GRIN2A: variants seen among roughly 807,000 people sequenced by gnomAD.
GRIN2A encodes the protein glutamate ionotropic receptor NMDA type subunit 2A, also known as glutamate receptor ionotropic, NMDA 2A.
GRIN2A carries 22 observed loss-of-function variants against 113.4 expected under a neutral mutation model. The ratio of observed to expected loss-of-function variants is 0.19; its 90% CI spans 0.14 to 0.28. The LOEUF (loss-of-function observed/expected upper bound fraction) is 0.28, where lower values mean the gene tolerates loss of function less well. GRIN2A is among the 10% of genes least tolerant of loss of function. The probability of loss-of-function intolerance (pLI) is 1.00; values close to 1 mark genes in which losing one functional copy is unlikely to be tolerated. For synonymous variants in GRIN2A, 827 were observed against 738.4 expected, an observed-to-expected ratio of 1.12 and a Z score of -1.94; for missense variants, 1,502 against 1,887.0, an observed-to-expected ratio of 0.80 and a Z score of 3.78.
At chr16:9,923,351 T>C (rs898863166) in intron 3 of GRIN2A, among the ~76,000 whole-genome samples, 2 of 152,206 alleles carry the variant, frequency 1.3e-5, no homozygotes, top group African/African-American at 4.8e-5. Flanking sequence ...ATATTTAAAG[T>C]GGGTTTCTTA....
At position 9,757,769 on chromosome 16, in the gene GRIN2A, G is replaced by T; in HGVS notation, c.*5380C>A. ...TTTTTCCTAAGGAGACGGTCTCTGA[G>T]AAAAGTTTTCTCTTCTAGGAACTTT... On this transcript the variant is annotated 3_prime_UTR_variant, in exon 13 of 13. Coordinates refer to ENST00000330684, the MANE Select transcript of GRIN2A (RefSeq NM_001134407.3). The T allele has an allele frequency of 4.6e-6, 1 of 219,360 alleles. No homozygotes were observed. The highest frequency in any genetic ancestry group is 9.2e-6 in the Non-Finnish European group (1 of 109,180). The allele number at this position is 219,360 out of a possible 1,614,324, so 13.6% of individuals were successfully genotyped here. A position where few individuals can be genotyped will look rare whatever the true frequency, so the allele number is the denominator to read the frequency against.
At chr16:9,960,132 A>G (rs1319872446) in intron 2 of GRIN2A, among the ~76,000 whole-genome samples, 1 of 152,168 alleles carries the variant, frequency 6.6e-6, no homozygotes, top group Non-Finnish European at 1.5e-5. Flanking sequence ...GTAAAAAAGG[A>G]AAAAAATGAG....
In GRIN2A at chr16:10,180,362, A is replaced by G. The variant is rs2050242755; in HGVS notation, c.50T>C (p.Val17Ala). 2.5e-6 allele frequency: 4 copies of G among 1,608,042 alleles called. No homozygotes were observed. Among genetic ancestry groups the G allele is most frequent in the Non-Finnish European group, 3.4e-6 (4 of 1,179,834 alleles). ...CGCGCTCGGCGCCGGACCGCGCCAGACCAGAAGGGCCGGCAGCACCAGCAG... is the reference window on the plus strand; with the variant it reads ...CGCGCTCGGCGCCGGACCGCGCCAGGCCAGAAGGGCCGGCAGCACCAGCAG... ...WTLLVLPALL[V>A]WRGPAPSAAA... Residue 17 changes from valine (V) to alanine (A), a missense_variant, in exon 2 of 13, where the codon GTC becomes GCC. Physicochemically the swap from Val to Ala is moderately conservative, Grantham distance 64. Transcript: ENST00000330684. This position sits in a 1 kb window ranked among gnomAD's most constrained non-coding sequence, Gnocchi z 7.0.
intron 10 of GRIN2A, among the ~76,000 whole-genome samples, chr16:9,803,792 C>T (rs934203230): frequency 1.2e-4 from 18 of 152,210 alleles, no homozygotes; most frequent in Non-Finnish European, 2.1e-4. Context: ...GGAACCTATG[C>T]AGTCTGACAC....
At chr16:9,904,990 A>G (rs1374278534) in intron 3 of GRIN2A, among the ~76,000 whole-genome samples, 1 of 152,184 alleles carries the variant, frequency 6.6e-6, no homozygotes, top group Admixed American at 6.5e-5. Flanking sequence ...TAAAACCAAA[A>G]CCATAAATTA....
intron 2 of GRIN2A, among the ~76,000 whole-genome samples, chr16:10,061,550 A>G (rs1432207500): frequency 1.3e-5 from 2 of 152,170 alleles, no homozygotes; most frequent in Non-Finnish European, 2.9e-5. Flanking sequence ...GGTGCCATCA[A>G]AAGCAAAATT....
Position 9,763,262 on chromosome 16 carries a change from C to T in GRIN2A, c.4282G>A (p.Val1428Ile), listed in dbSNP as rs2141124963. The change falls in exon 13 of 13, where the codon GTT becomes ATT. Residue 1428 changes from valine (V) to isoleucine (I), a missense_variant. Transcript: ENST00000330684. ...TTCTTATTTGCAGCATAAGGCATAA[C>T]ATGCTCCGAAATATACACATCATTG... ...GHNDVYISEH[V>I]MPYAANKNNM... The T allele has an allele frequency of 6.2e-7, 1 of 1,614,180 alleles. No homozygotes were observed. Among genetic ancestry groups the T allele is most frequent in the Non-Finnish European group, 8.5e-7 (1 of 1,180,028 alleles).
At chr16:10,067,155 T>C (rs1235470224) in intron 2 of GRIN2A, among the ~76,000 whole-genome samples, 1 of 152,238 alleles carries the variant, frequency 6.6e-6, no homozygotes, top group Non-Finnish European at 1.5e-5. Flanking sequence ...ATTCTCTTTC[T>C]TCATCCCCTA....
intron 2 of GRIN2A, among the ~76,000 whole-genome samples, chr16:9,986,315 A>G (rs1402677414): frequency 6.6e-6 from 1 of 152,250 alleles, no homozygotes; most frequent in Non-Finnish European, 1.5e-5. Context: ...CAAAATGTAT[A>G]TACAAGCCAA....
At chr16:9,850,431 A>G (rs2042862965) in intron 4 of GRIN2A, among the ~76,000 whole-genome samples, 5 of 152,214 alleles carry the variant, frequency 3.3e-5, no homozygotes, top group Admixed American at 3.3e-4. Flanking sequence ...TAAGGATGCC[A>G]TGGGAATTCA....
At position 9,756,551 on chromosome 16, in the gene GRIN2A, A is replaced by C. The variant is rs1481720470; in HGVS notation, c.*6598T>G. The C allele has an allele frequency of 4.8e-6, 1 of 208,484 alleles. No individual in the cohort carries two copies. The highest frequency in any genetic ancestry group is 9.8e-6 in the Non-Finnish European group (1 of 102,318). 12.9% of individuals were successfully genotyped at this position (208,484 alleles called of 1,614,324 possible). ...ACCAGGCACTTTGAAAATATGTCTA[A>C]CGTTAGGGATTTACTAGCTAATTCT... On this transcript the variant is annotated 3_prime_UTR_variant, in exon 13 of 13. Coordinates refer to ENST00000330684, the MANE Select transcript of GRIN2A (RefSeq NM_001134407.3).
At chr16:10,081,609 G>T (rs1414828414) in intron 2 of GRIN2A, among the ~76,000 whole-genome samples, 1 of 152,158 alleles carries the variant, frequency 6.6e-6, no homozygotes, top group Non-Finnish European at 1.5e-5. Flanking sequence ...AAATACAACT[G>T]GGGATAGTTG....
chr16:9,892,833 A>G (rs2043722450), intron 3 of GRIN2A, among the ~76,000 whole-genome samples: 1 of 151,954 alleles, frequency 6.6e-6, no homozygotes. Context: ...CAGACACAAG[A>G]TACATCCAAT....
intron 2 of GRIN2A, chr16:10,112,210 G>T: frequency 1.7e-6 from 1 of 596,424 alleles, no homozygotes; most frequent in Non-Finnish European, 3.1e-6. Context: ...TCCTCCCAAG[G>T]GAACTCGGTG....
chr16:9,982,618 TA>T (rs1432770014), intron 2 of GRIN2A, among the ~76,000 whole-genome samples: 1 of 152,230 alleles, frequency 6.6e-6, no homozygotes, highest in Non-Finnish European at 1.5e-5. Context: ...AGTTATCTTT[TA>T]AAATATCTTA....
At chr16:10,141,651 A>T (rs2049328674) in intron 2 of GRIN2A, among the ~76,000 whole-genome samples, 3 of 152,188 alleles carry the variant, frequency 2.0e-5, no homozygotes, top group Non-Finnish European at 4.4e-5. Flanking sequence ...TACAGCTGCC[A>T]TTGGTTAAAA....
intron 10 of GRIN2A, 88 bp from the exon 11 acceptor site, chr16:9,798,552 C>A: frequency 1.1e-6 from 1 of 939,400 alleles, no homozygotes; most frequent in Non-Finnish European, 1.7e-6. Flanking sequence ...GAAAGCATCC[C>A]ACACTTTCTT....
chr16:10,088,731 C>T (rs1454071406), intron 2 of GRIN2A, among the ~76,000 whole-genome samples: 1 of 152,216 alleles, frequency 6.6e-6, no homozygotes, highest in Non-Finnish European at 1.5e-5. Context: ...TATCCCAACC[C>T]CCACCTTTTC....
chr16:9,996,086 G>A (rs1208629982), intron 2 of GRIN2A, among the ~76,000 whole-genome samples: 1 of 142,944 alleles, frequency 7.0e-6, no homozygotes, highest in African/African-American at 2.6e-5. Flanking sequence ...AGAACAGAAG[G>A]AAACAGAGAA....
Sources: gnomAD v4.1 joint callset for allele counts (sites outside exome capture counted in the v4.1 genomes callset) on GRCh38, gnomAD v4.1.1 for gene constraint, Gnocchi (gnomAD v3.1) non-coding constraint, MANE v1.5 for transcripts, NCBI Gene and HGNC (gene_info 2026-07-23, HGNC 2026-07-21) for gene names.